SLCO2B1: variants seen among roughly 807,000 people sequenced by gnomAD.
SLCO2B1 encodes OATP-RP2.
Under a neutral mutation model 67.3 loss-of-function variants are expected in SLCO2B1, and 41 were observed. The ratio of observed to expected loss-of-function variants is 0.61; its 90% confidence interval spans 0.47 to 0.79. The LOEUF is 0.79. Ranked by LOEUF, SLCO2B1 falls within the 30% of genes least tolerant of loss-of-function variation. The pLI, the probability that SLCO2B1 is intolerant of heterozygous loss-of-function variation, is 0.00. For missense variants in SLCO2B1, 837 were observed against 920.1 expected (o/e 0.91, Z 1.17); for synonymous variants, 379 against 381.4 (o/e 0.99, Z 0.07).
chr11:75,174,741 C>T (rs1950003631), intron 7 of SLCO2B1, among the ~76,000 whole-genome samples: 1 of 152,136 alleles, frequency 6.6e-6, no homozygotes, highest in Non-Finnish European at 1.5e-5. Context: ...GAGAGAGAGC[C>T]TATATTGCTG....
intron 7 of SLCO2B1, among the ~76,000 whole-genome samples, chr11:75,187,721 C>T (rs921700379): frequency 6.6e-6 from 1 of 151,944 alleles, no homozygotes. Context: ...ATCATCACAT[C>T]GTGATGGTAA....
At chr11:75,154,963 T>C (rs1949730716) in intron 1 of SLCO2B1, among the ~76,000 whole-genome samples, 1 of 152,168 alleles carries the variant, frequency 6.6e-6, no homozygotes, top group East Asian at 1.9e-4. Flanking sequence ...TCTGGCTCCT[T>C]GTTTTAGGCA....
chr11:75,191,731 C>T (rs1945025859), intron 8 of SLCO2B1, among the ~76,000 whole-genome samples: 1 of 152,178 alleles, frequency 6.6e-6, no homozygotes, highest in Non-Finnish European at 1.5e-5. Flanking sequence ...GTGTTTTGCT[C>T]CTCTCCCTCC....
intron 7 of SLCO2B1, among the ~76,000 whole-genome samples, chr11:75,176,726 G>A (rs1240762085): frequency 6.6e-6 from 1 of 152,162 alleles, no homozygotes; most frequent in African/African-American, 2.4e-5. Context: ...ACTTAGGGCT[G>A]GTCTGTAGGG....
intron 7 of SLCO2B1, among the ~76,000 whole-genome samples, chr11:75,177,946 T>C (rs534121985): frequency 6.6e-6 from 1 of 151,948 alleles, no homozygotes; most frequent in African/African-American, 2.4e-5. Flanking sequence ...ATATAAAAAT[T>C]AGCTGGGCAT....
intron 8 of SLCO2B1, among the ~76,000 whole-genome samples, chr11:75,191,295 C>T (rs1359351221): frequency 1.3e-5 from 2 of 152,160 alleles, no homozygotes; most frequent in African/African-American, 2.4e-5. Context: ...ACAACCTGGA[C>T]CATGCCAGAT....
chr11:75,169,974 T>C (rs879334709), intron 6 of SLCO2B1: 29 of 556,318 alleles, frequency 5.2e-5, no homozygotes, highest in Non-Finnish European at 7.7e-5. Flanking sequence ...TCCAGCGAGA[T>C]GGTGGAGATA....
intron 1 of SLCO2B1, chr11:75,157,083 C>T (rs1323116673): frequency 2.0e-5 from 3 of 152,330 alleles, no homozygotes; most frequent in African/African-American, 7.2e-5. Flanking sequence ...TTTACCCAAT[C>T]CCTACTCAAG....
At chr11:75,183,396 G>T (rs547837382) in intron 7 of SLCO2B1, among the ~76,000 whole-genome samples, 1 of 152,108 alleles carries the variant, frequency 6.6e-6, no homozygotes, top group African/African-American at 2.4e-5. Flanking sequence ...AATAATCCAC[G>T]CAGGCTGCCT....
intron 7 of SLCO2B1, among the ~76,000 whole-genome samples, chr11:75,174,385 C>T (rs1483342546): frequency 3.8e-5 from 4 of 105,658 alleles, no homozygotes; most frequent in African/African-American, 1.1e-4. Flanking sequence ...AGGGTGGGGG[C>T]GGGGAGAGAA....
intron 8 of SLCO2B1, among the ~76,000 whole-genome samples, chr11:75,189,415 A>G (rs908996894): frequency 6.6e-6 from 1 of 152,250 alleles, no homozygotes; most frequent in Non-Finnish European, 1.5e-5. Flanking sequence ...ACGAGAATCA[A>G]ATGAGACGAA....
Position 75,200,212 on chromosome 11 carries a change from TTCCCAC to T in SLCO2B1, c.1600-8_1600-3del. ...AGGCTCTTGAAGTCTCTTCCTCCTC[TTCCCAC>T]TCCAGGTTTTCTACACCAACTGCAG... is the stretch of plus-strand genomic sequence containing the variant. On this transcript the variant is annotated splice_region_variant and splice_polypyrimidine_tract_variant and intron_variant, in intron 10 of 13. Transcript: ENST00000289575. The T allele has an allele frequency of 6.2e-7, 1 of 1,605,086 alleles. No homozygotes were observed.
chr11:75,159,715 G>A (rs1245628699), intron 1 of SLCO2B1: 4 of 330,034 alleles, frequency 1.2e-5, no homozygotes, highest in African/African-American at 4.4e-5. Context: ...CTCAGAACCC[G>A]GAGGAATGTG....
intron 11 of SLCO2B1, 127 bp from the exon 12 acceptor site, chr11:75,202,774 G>T: frequency 2.4e-6 from 2 of 822,730 alleles, no homozygotes; most frequent in Non-Finnish European, 4.2e-6. Flanking sequence ...TAGATCATCA[G>T]ATGGGAGAGA....
chr11:75,169,446 C>A (rs748650777), intron 5 of SLCO2B1, 40 bp downstream of exon 5: 1 of 1,512,324 alleles, frequency 6.6e-7, no homozygotes, highest in African/African-American at 1.4e-5. Context: ...GAGGGTCAGG[C>A]CAGGCTCAAC....
chr11:75,165,662 A>C, intron 3 of SLCO2B1, 125 bp from the exon 4 acceptor site: 1 of 1,124,356 alleles, frequency 8.9e-7, no homozygotes, highest in South Asian at 1.5e-5. Flanking sequence ...AGAGGGACCC[A>C]GATGATTTTT....
At chr11:75,201,912 G>A (rs1591839729) in intron 11 of SLCO2B1, 1 of 152,252 alleles carries the variant, frequency 6.6e-6, no homozygotes, top group East Asian at 1.9e-4. Flanking sequence ...CTGGAGGTTG[G>A]GGCTGAAAGT....
At chr11:75,203,658 T>G (rs1004274943) in intron 13 of SLCO2B1, 15 of 526,994 alleles carry the variant, frequency 2.8e-5, no homozygotes, top group Non-Finnish European at 1.0e-5. Context: ...ACACAGCTAA[T>G]AACTTGCAGA....
At chr11:75,171,507 C>G (rs1949960474) in intron 6 of SLCO2B1, among the ~76,000 whole-genome samples, 1 of 152,164 alleles carries the variant, frequency 6.6e-6, no homozygotes, top group African/African-American at 2.4e-5. Context: ...AGTCTTCCAC[C>G]TCAGTTTCCC....
Sources: gnomAD v4.1 joint callset for allele counts (sites outside exome capture counted in the v4.1 genomes callset) on GRCh38, gnomAD v4.1.1 for gene constraint, MANE v1.5 for transcripts, NCBI Gene and HGNC (gene_info 2026-07-23, HGNC 2026-07-21) for gene names.